The following ATP6V1C2 variants were observed in gnomAD, a reference collection of about 807,000 sequenced individuals.
ATP6V1C2 encodes ATPase H+ transporting V1 subunit C2.
Under a neutral mutation model 56.8 loss-of-function variants are expected in ATP6V1C2, and 45 were observed. The ratio of observed to expected loss-of-function variants is 0.79; its 90% CI spans 0.62 to 1.02. ATP6V1C2 has a LOEUF of 1.02. ATP6V1C2 is among the 50% of genes least tolerant of loss of function. The pLI is 0.00. For missense variants in ATP6V1C2, 463 were observed against 519.7 expected (o/e 0.89, Z 1.06); for synonymous variants, 220 against 201.3 (o/e 1.09, Z -0.79).
chr2:10,737,418 CAAA>C (rs111340144), intron 3 of ATP6V1C2, among the ~76,000 whole-genome samples: 12 of 116,496 alleles, frequency 1.0e-4, no homozygotes, highest in South Asian at 2.6e-4. Flanking sequence ...GACTCTGTCT[CAAA>C]AAAAAAAAAA....
At chr2:10,759,628 G>T (rs1375833996) in intron 4 of ATP6V1C2, among the ~76,000 whole-genome samples, 1 of 152,128 alleles carries the variant, frequency 6.6e-6, no homozygotes, top group Non-Finnish European at 1.5e-5. Flanking sequence ...CCAGGCAGGG[G>T]AGGCAAGGCC....
intron 3 of ATP6V1C2, among the ~76,000 whole-genome samples, chr2:10,749,497 A>G (rs1191849131): frequency 6.6e-6 from 1 of 152,224 alleles, no homozygotes; most frequent in Non-Finnish European, 1.5e-5. Context: ...ACAACGAGAT[A>G]TAATTTTTCA....
chr2:10,721,897 G>A (rs1661383572), intron 1 of ATP6V1C2, among the ~76,000 whole-genome samples, 166 bp downstream of exon 1: 1 of 152,226 alleles, frequency 6.6e-6, no homozygotes, highest in South Asian at 2.1e-4. Flanking sequence ...CAGGTGCTGC[G>A]GCGGGCCAGT....
chr2:10,766,139 T>C (rs552195239), intron 5 of ATP6V1C2, among the ~76,000 whole-genome samples: 1 of 152,240 alleles, frequency 6.6e-6, no homozygotes, highest in East Asian at 1.9e-4. Context: ...AGCCTGCGGA[T>C]TGTGCTGTGT....
intron 13 of ATP6V1C2, 147 bp from the exon 14 acceptor site, chr2:10,783,027 G>A: frequency 1.7e-6 from 1 of 584,324 alleles, no homozygotes; most frequent in South Asian, 2.1e-5. Flanking sequence ...ACACATTAAA[G>A]CACAGCAAGG....
chr2:10,721,388 C>G (rs756563222), upstream of ATP6V1C2, among the ~76,000 whole-genome samples: 1 of 152,130 alleles, frequency 6.6e-6, no homozygotes, highest in African/African-American at 2.4e-5. Context: ...CGCAGTCGTG[C>G]GGCAGGAGAC....
At chr2:10,767,668 G>C (rs1391533017) in intron 5 of ATP6V1C2, among the ~76,000 whole-genome samples, 1 of 152,138 alleles carries the variant, frequency 6.6e-6, no homozygotes, top group Non-Finnish European at 1.5e-5. Flanking sequence ...ATGTTGGCCA[G>C]GCTGGTCTCA....
chr2:10,725,822 G>A (rs1661609375), intron 2 of ATP6V1C2, among the ~76,000 whole-genome samples: 1 of 151,640 alleles, frequency 6.6e-6, no homozygotes, highest in Non-Finnish European at 1.5e-5. Context: ...GCTTGAGCCT[G>A]TAATTCCAGC....
At chr2:10,761,942 A>G (rs1002201121) in intron 4 of ATP6V1C2, among the ~76,000 whole-genome samples, 1 of 152,252 alleles carries the variant, frequency 6.6e-6, no homozygotes, top group Non-Finnish European at 1.5e-5. Flanking sequence ...GTTGCCGGGC[A>G]GGTTCCACCT....
chr2:10,728,047 CTTAAAA>C (rs1333665357), intron 3 of ATP6V1C2, among the ~76,000 whole-genome samples: 12 of 152,274 alleles, frequency 7.9e-5, no homozygotes, highest in Admixed American at 2.6e-4. Flanking sequence ...ATAAATATGT[CTTAAAA>C]TTAATATTAT....
At chr2:10,775,454 C>T (rs996213634) in intron 10 of ATP6V1C2, among the ~76,000 whole-genome samples, 2 of 152,166 alleles carry the variant, frequency 1.3e-5, no homozygotes, top group African/African-American at 4.8e-5. Flanking sequence ...GAGCAAGGCA[C>T]GTGGGCTCCA....
chr2:10,747,097 C>T (rs1572540321), intron 3 of ATP6V1C2, among the ~76,000 whole-genome samples: 3 of 152,074 alleles, frequency 2.0e-5, no homozygotes, highest in South Asian at 2.1e-4. Flanking sequence ...GAAGAAACCC[C>T]GCCTCTACTA....
chr2:10,766,840 A>G (rs1558415655), intron 5 of ATP6V1C2, among the ~76,000 whole-genome samples: 1 of 152,150 alleles, frequency 6.6e-6, no homozygotes, highest in African/African-American at 2.4e-5. Flanking sequence ...AGATTTTAAT[A>G]TAGTTGTATA....
At chr2:10,750,304 C>T (rs1005930870) in intron 3 of ATP6V1C2, among the ~76,000 whole-genome samples, 5 of 152,044 alleles carry the variant, frequency 3.3e-5, no homozygotes, top group African/African-American at 1.2e-4. Context: ...ATTGCTTGAG[C>T]TCAGGGGTTT....
chr2:10,780,286 C>T lies in ATP6V1C2; in HGVS notation c.1061+1617C>T, dbSNP rs1665266660. On this transcript the variant is annotated intron_variant, in intron 12 of 13. Transcript: ENST00000272238. This position sits in a 1 kb window ranked among gnomAD's most constrained non-coding sequence, Gnocchi z 4.1. ...AACTTCAGGGTCAGTTTAGACACCC[C>T]TGACAGGCCCGGTCCACTCCGCCTT... Among the ~76,000 whole-genome samples the T allele has an allele frequency of 6.6e-6, 1 of 152,200 alleles. No homozygotes were observed. Among genetic ancestry groups the T allele is most frequent in the Admixed American group, 6.5e-5 (1 of 15,282 alleles).
intron 4 of ATP6V1C2, among the ~76,000 whole-genome samples, chr2:10,761,821 A>G (rs906366296): frequency 6.6e-6 from 1 of 152,202 alleles, no homozygotes; most frequent in African/African-American, 2.4e-5. Flanking sequence ...ACTCTCGTCA[A>G]CAGGCCAGGA....
intron 5 of ATP6V1C2, among the ~76,000 whole-genome samples, 182 bp downstream of exon 5, chr2:10,764,607 G>C (rs1255285799): frequency 6.6e-6 from 1 of 152,248 alleles, no homozygotes; most frequent in Non-Finnish European, 1.5e-5. Context: ...GACAGGGAAA[G>C]AGCCAGTCCC....
chr2:10,733,636 T>TAAA (rs58039579), intron 3 of ATP6V1C2, among the ~76,000 whole-genome samples: 1 of 145,202 alleles, frequency 6.9e-6, no homozygotes, highest in Non-Finnish European at 1.5e-5. Flanking sequence ...GCTATTATCT[T>TAAA]AAAAAAAAAA....
chr2:10,782,853 A>G (rs1220651385), intron 13 of ATP6V1C2, among the ~76,000 whole-genome samples: 1 of 142,322 alleles, frequency 7.0e-6, no homozygotes, highest in Non-Finnish European at 1.5e-5. Flanking sequence ...AAAAAAAAAA[A>G]AAAAAAAAAA....
Sources: allele counts gnomAD v4.1 joint callset (sites outside exome capture counted in the v4.1 genomes callset), GRCh38; gene constraint gnomAD v4.1.1; non-coding constraint Gnocchi (gnomAD v3.1); transcripts MANE v1.5; gene names NCBI Gene and HGNC (gene_info 2026-07-23, HGNC 2026-07-21).